The following ERBB4 variants were observed in gnomAD, a reference collection of about 807,000 sequenced individuals.
ERBB4 encodes the protein erb-b2 receptor tyrosine kinase 4, also known as receptor tyrosine-protein kinase erbB-4.
ERBB4 carries 42 observed loss-of-function variants against 158.0 expected under a neutral mutation model. That is an observed-to-expected ratio of 0.27 (90% CI 0.21 to 0.34). The LOEUF (loss-of-function observed/expected upper bound fraction) is 0.34, where lower values mean the gene tolerates loss of function less well. Ranked by LOEUF, ERBB4 falls within the 10% of genes least tolerant of loss-of-function variation. ERBB4 has a pLI of 1.00. For missense variants in ERBB4, 1,333 were observed against 1,624.1 expected, an observed-to-expected ratio of 0.82 and a Z score of 3.08; for synonymous variants, 583 against 558.7, an observed-to-expected ratio of 1.04 and a Z score of -0.61.
chr2:212,312,301 TTGC>T (rs1332920733), intron 1 of ERBB4, among the ~76,000 whole-genome samples: 1 of 151,048 alleles, frequency 6.6e-6, no homozygotes, highest in African/African-American at 2.4e-5. Flanking sequence ...CTACTCTTGT[TTGC>T]TGCCATATAT....
intron 20 of ERBB4, among the ~76,000 whole-genome samples, chr2:211,483,271 A>G (rs2065128632): frequency 6.6e-6 from 1 of 152,280 alleles, no homozygotes; most frequent in East Asian, 1.9e-4. Context: ...GGATTAAAAA[A>G]AAGCGCTGAA....
Position 212,038,448 on chromosome 2 carries a change from TC to T in ERBB4, c.234+86303del, listed in dbSNP as rs1324725620. Among the ~76,000 whole-genome samples the T allele has an allele frequency of 2.6e-5, 4 of 152,172 alleles. No homozygotes were observed. The East Asian group carries it at 7.7e-4, about 29-fold the overall frequency. On this transcript the variant is annotated intron_variant, in intron 2 of 27. Coordinates refer to ENST00000342788, the MANE Select transcript of ERBB4 (RefSeq NM_005235.3). ...CTGCACTCTACCTTTACTGAGTGAG[TC>T]CCCATGGTTACCAGCAAAGTGTGTG...
At chr2:211,796,254 C>G (rs775545266) in intron 3 of ERBB4, among the ~76,000 whole-genome samples, 2 of 151,962 alleles carry the variant, frequency 1.3e-5, no homozygotes, top group African/African-American at 4.8e-5. Context: ...TCATACCATA[C>G]GTATTCTCTT....
chr2:211,682,752 C>G (rs946668592), intron 12 of ERBB4, among the ~76,000 whole-genome samples: 1 of 151,988 alleles, frequency 6.6e-6, no homozygotes, highest in Non-Finnish European at 1.5e-5. Flanking sequence ...TTTTAATGTA[C>G]TTGTGCTTTT....
In ERBB4 at chr2:212,055,177, C is replaced by T. The variant is rs964044243; in HGVS notation, c.234+69575G>A. Among the ~76,000 whole-genome samples, 8 of 152,318 alleles carry T rather than the reference C, an allele frequency of 5.3e-5. No individual in the cohort carries two copies. The East Asian group carries it at 7.7e-4, about 15-fold the overall frequency. ...TCCGCACCTGGCTCGGAGGGTCCCACGCCCACAGAGCCTCACTCATTGCTA... is the reference window on the plus strand; with the variant it reads ...TCCGCACCTGGCTCGGAGGGTCCCATGCCCACAGAGCCTCACTCATTGCTA... On this transcript the variant is annotated intron_variant, in intron 2 of 27. Transcript: ENST00000342788.
intron 2 of ERBB4, among the ~76,000 whole-genome samples, chr2:212,101,452 G>T (rs2079081158): frequency 1.3e-5 from 2 of 150,598 alleles, no homozygotes; most frequent in Admixed American, 6.6e-5. Flanking sequence ...GGTGGCAAGG[G>T]TCAAAGATTT....
chr2:212,184,799 T>C (rs1182695574), intron 1 of ERBB4, among the ~76,000 whole-genome samples: 2 of 152,116 alleles, frequency 1.3e-5, no homozygotes, highest in African/African-American at 2.4e-5. Context: ...CAAGAATCAG[T>C]TCATTTGGCT....
chr2:212,428,162 A>C (rs955492805), intron 1 of ERBB4, among the ~76,000 whole-genome samples: 1 of 152,156 alleles, frequency 6.6e-6, no homozygotes, highest in Middle Eastern at 3.2e-3. Context: ...CAAGAATGAC[A>C]TACAAATTGG....
chr2:212,331,071 T>TATATATATATATATATATATATATATAC (rs147932949), intron 1 of ERBB4, among the ~76,000 whole-genome samples: 28 of 120,056 alleles, frequency 2.3e-4, no homozygotes, highest in South Asian at 5.6e-4. Flanking sequence ...TATATATATA[T>TATATATATATATATATATATATATATAC]ACACATATAT....
rs558951487 is a variant in ERBB4, at chr2:212,041,741, C to A, written c.234+83011G>T. The stretch of plus-strand genomic sequence containing the variant: ...ATTCTCTGCAAAAGCTCAAAGACGT[C>A]TCTGGAGTGTCAAAGGCATGTCCTT... On this transcript the variant is annotated intron_variant, in intron 2 of 27. Coordinates refer to ENST00000342788, the MANE Select transcript of ERBB4 (RefSeq NM_005235.3). Among the ~76,000 whole-genome samples the A allele has an allele frequency of 1.2e-4, 19 of 152,154 alleles. No individual in the cohort carries two copies. The East Asian group carries it at 3.7e-3, about 29-fold the overall frequency.
intron 1 of ERBB4, among the ~76,000 whole-genome samples, chr2:212,289,210 G>T (rs1346910564): frequency 6.6e-6 from 1 of 152,094 alleles, no homozygotes; most frequent in African/African-American, 2.4e-5. Flanking sequence ...TTTTTAAAAT[G>T]AATATAATAA....
At chr2:212,092,979 A>C (rs990672445) in intron 2 of ERBB4, among the ~76,000 whole-genome samples, 1 of 152,204 alleles carries the variant, frequency 6.6e-6, no homozygotes, top group African/African-American at 2.4e-5. Flanking sequence ...TAGGCAATAC[A>C]GAAACACAGG....
chr2:211,799,621 T>G (rs2076456073), intron 3 of ERBB4, among the ~76,000 whole-genome samples: 1 of 152,150 alleles, frequency 6.6e-6, no homozygotes, highest in Non-Finnish European at 1.5e-5. Context: ...GAGATAATTT[T>G]TGTAGGTATC....
intron 1 of ERBB4, among the ~76,000 whole-genome samples, chr2:212,393,263 T>C (rs1156927542): frequency 1.3e-5 from 2 of 152,036 alleles, no homozygotes; most frequent in Non-Finnish European, 2.9e-5. Flanking sequence ...TTATAGTGCC[T>C]ATTTCAATAG....
At chr2:211,542,706 T>A (rs189387435) in intron 20 of ERBB4, among the ~76,000 whole-genome samples, 17 of 152,084 alleles carry the variant, frequency 1.1e-4, no homozygotes, top group South Asian at 4.1e-4. Context: ...TGCATTTTTT[T>A]AATCTCCCAT....
chr2:212,383,859 A>G (rs1282076440), intron 1 of ERBB4, among the ~76,000 whole-genome samples: 1 of 151,708 alleles, frequency 6.6e-6, no homozygotes, highest in Non-Finnish European at 1.5e-5. Context: ...TTCCTAGTTC[A>G]TCACAGATTA....
At position 211,431,027 on chromosome 2, in the gene ERBB4, G is replaced by A. The variant is rs2125429909; in HGVS notation, c.2561C>T (p.Pro854Leu). ...AAAATCTGTGATTTTCACATGGTTT[G>A]GAGATTTCACTAAGACATTACGGGC... is the stretch of plus-strand genomic sequence containing the variant. ...LAARNVLVKS[P>L]NHVKITDFGL... Residue 854 changes from proline to leucine, a missense_variant, in exon 21 of 28, where the codon CCA becomes CTA. Physicochemically the swap from Pro to Leu is moderately conservative, Grantham distance 98. Around this residue, in one of 5 missense-constraint regions of ERBB4, gnomAD observed 314 missense variants for 437.6 expected, o/e 0.72. Transcript: ENST00000342788. 7.4e-6 allele frequency: 12 copies of A among 1,613,786 alleles called. No homozygotes were observed. Among genetic ancestry groups the A allele is most frequent in the Non-Finnish European group, 9.3e-6 (11 of 1,179,748 alleles).
At chr2:212,109,826 T>A (rs754072976) in intron 2 of ERBB4, among the ~76,000 whole-genome samples, 3 of 152,216 alleles carry the variant, frequency 2.0e-5, no homozygotes, top group Non-Finnish European at 4.4e-5. Context: ...AACAATTTGT[T>A]GTGACGTTTC....
chr2:212,128,558 A>G (rs2080013019), intron 1 of ERBB4, among the ~76,000 whole-genome samples: 1 of 152,170 alleles, frequency 6.6e-6, no homozygotes, highest in African/African-American at 2.4e-5. Context: ...AGCAATAGAT[A>G]TTTTACATTG....
Sources: gnomAD v4.1 joint callset for allele counts (sites outside exome capture counted in the v4.1 genomes callset) on GRCh38, gnomAD v4.1.1 for gene constraint, gnomAD v4.1.1 regional missense constraint, MANE v1.5 for transcripts, NCBI Gene and HGNC (gene_info 2026-07-23, HGNC 2026-07-21) for gene names.